The following CCDC191 variants were observed in gnomAD, a reference collection of about 807,000 sequenced individuals.
CCDC191 encodes the protein coiled-coil domain containing 191.
Under a neutral mutation model 114.0 loss-of-function variants are expected in CCDC191, and 99 were observed. That is an observed-to-expected ratio of 0.87 (90% CI 0.74 to 1.03). CCDC191 has a LOEUF of 1.03. Ranked by LOEUF, CCDC191 falls within the 50% of genes least tolerant of loss-of-function variation. The pLI is 0.00. For missense variants in CCDC191, 973 were observed against 1,087.0 expected (o/e 0.90, Z 1.47); for synonymous variants, 351 against 376.0 (o/e 0.93, Z 0.77).
chr3:114,024,156 T>C lies in CCDC191; in HGVS notation c.973-5288A>G, dbSNP rs182954188. Among the ~76,000 whole-genome samples, 360 of 152,270 alleles carry C rather than the reference T, an allele frequency of 2.4e-3. 7 individuals carry two copies. The highest frequency in any genetic ancestry group is 0.021 in the South Asian group (103 of 4,824). On this transcript the variant is annotated intron_variant, in intron 7 of 16. Coordinates refer to ENST00000295878, the MANE Select transcript of CCDC191 (RefSeq NM_020817.2). ...AAATCAATACCACAATGAAGTACCA[T>C]CTCACACCAGTTAGAATGGCGATTA...
intron 6 of CCDC191, among the ~76,000 whole-genome samples, chr3:114,033,732 C>T (rs1347691890): frequency 6.6e-6 from 1 of 152,216 alleles, no homozygotes; most frequent in African/African-American, 2.4e-5. Context: ...ATATGAAAAG[C>T]AAGGCTGACC....
intron 4 of CCDC191, among the ~76,000 whole-genome samples, chr3:114,038,870 T>G (rs2076522848): frequency 6.6e-6 from 1 of 151,998 alleles, no homozygotes; most frequent in African/African-American, 2.4e-5. Context: ...CAACACACAC[T>G]GAGGCCTGTC....
chr3:114,033,939 G>C (rs1332089137), intron 6 of CCDC191, among the ~76,000 whole-genome samples: 1 of 152,220 alleles, frequency 6.6e-6, no homozygotes, highest in Non-Finnish European at 1.5e-5. Flanking sequence ...TTATCTAATA[G>C]GTCTTTGTGG....
At chr3:114,038,410 T>C (rs2076516066) in intron 4 of CCDC191, among the ~76,000 whole-genome samples, 1 of 152,202 alleles carries the variant, frequency 6.6e-6, no homozygotes, top group African/African-American at 2.4e-5. Context: ...CAGAGCACAA[T>C]GCATTACTCA....
chr3:113,981,055 TTCTC>T (rs1481373680), intron 13 of CCDC191, among the ~76,000 whole-genome samples: 1 of 152,168 alleles, frequency 6.6e-6, no homozygotes, highest in Non-Finnish European at 1.5e-5. Flanking sequence ...CAGAAATAAT[TTCTC>T]TCTCACCAAG....
At chr3:114,039,365 C>T (rs1227244096) in intron 4 of CCDC191, 1 of 151,992 alleles carries the variant, frequency 6.6e-6, no homozygotes, top group Non-Finnish European at 1.5e-5. Context: ...AAAAAATTAG[C>T]TGGGTGTGGT....
intron 16 of CCDC191, among the ~76,000 whole-genome samples, chr3:113,971,103 A>AT (rs1940776649): frequency 1.3e-5 from 2 of 152,206 alleles, no homozygotes; most frequent in South Asian, 4.1e-4. Flanking sequence ...GGTGGGTCAA[A>AT]TGGTATTTCT....
chr3:114,054,655 A>AAAC (rs143153367), intron 1 of CCDC191, among the ~76,000 whole-genome samples: 2 of 151,926 alleles, frequency 1.3e-5, no homozygotes, highest in African/African-American at 2.4e-5. Flanking sequence ...ACAAACAAAC[A>AAAC]AACAACAACA....
chr3:114,055,867 G>A (rs1206815993), intron 1 of CCDC191, among the ~76,000 whole-genome samples: 2 of 152,158 alleles, frequency 1.3e-5, no homozygotes, highest in African/African-American at 4.8e-5. Context: ...AAATTACTAT[G>A]TGAATCAAGT....
chr3:114,043,081 A>C (rs1289629467), intron 3 of CCDC191, among the ~76,000 whole-genome samples: 3 of 152,226 alleles, frequency 2.0e-5, no homozygotes, highest in African/African-American at 7.2e-5. Flanking sequence ...AGGGACAGGA[A>C]GACATGGAAG....
intron 9 of CCDC191, among the ~76,000 whole-genome samples, chr3:114,007,480 T>TA (rs1343495363): frequency 6.6e-6 from 1 of 152,202 alleles, no homozygotes; most frequent in Non-Finnish European, 1.5e-5. Context: ...AGTGAACACT[T>TA]ATTCATGAGA....
chr3:114,005,278 T>C (rs2075931329), intron 10 of CCDC191, among the ~76,000 whole-genome samples: 1 of 152,182 alleles, frequency 6.6e-6, no homozygotes. Context: ...ACAGAGATCC[T>C]CAAAGGCAGC....
chr3:114,027,391 G>A (rs1230320333), intron 7 of CCDC191, among the ~76,000 whole-genome samples: 2 of 152,060 alleles, frequency 1.3e-5, no homozygotes, highest in East Asian at 1.9e-4. Flanking sequence ...CAAGGTGGGC[G>A]GATCACGAGG....
chr3:113,980,224 C>G lies in CCDC191; in HGVS notation c.2307+426G>C, dbSNP rs142238308. ...CAGAATGAGAGGCTTGGGGAGAGAC[C>G]TGAACTCAATCCACAACTGGCCCAC... On this transcript the variant is annotated intron_variant, in intron 14 of 16. Transcript: ENST00000295878. 9.7e-4 allele frequency among the ~76,000 whole-genome samples: 148 copies of G among 152,250 alleles called. 2 individuals are homozygous for G. The highest frequency in any genetic ancestry group is 3.4e-3 in the African/African-American group (141 of 41,546).
intron 3 of CCDC191, among the ~76,000 whole-genome samples, chr3:114,045,430 G>A (rs552856674): frequency 6.6e-6 from 1 of 152,170 alleles, no homozygotes; most frequent in African/African-American, 2.4e-5. Flanking sequence ...GGAGTGCAGT[G>A]GCAAGATCTT....
At chr3:113,986,711 A>G (rs1229167645) in intron 13 of CCDC191, among the ~76,000 whole-genome samples, 1 of 152,140 alleles carries the variant, frequency 6.6e-6, no homozygotes, top group African/African-American at 2.4e-5. Context: ...TGAAGGTTAA[A>G]TGGGGTCCTA....
At chr3:114,013,296 A>G (rs2076104215) in intron 8 of CCDC191, among the ~76,000 whole-genome samples, 1 of 152,112 alleles carries the variant, frequency 6.6e-6, no homozygotes, top group Non-Finnish European at 1.5e-5. Flanking sequence ...TAGTTACGAT[A>G]TCTGTATTTG....
chr3:113,981,409 ACTTAAT>A, intron 13 of CCDC191, among the ~76,000 whole-genome samples: 1 of 152,102 alleles, frequency 6.6e-6, no homozygotes, highest in Non-Finnish European at 1.5e-5. Context: ...GATGACAAAA[ACTTAAT>A]GATCGACCCT....
At chr3:114,000,160 C>T (rs1240036998) in intron 13 of CCDC191, among the ~76,000 whole-genome samples, 1 of 151,952 alleles carries the variant, frequency 6.6e-6, no homozygotes, top group Non-Finnish European at 1.5e-5. Context: ...GGATGTCTCT[C>T]GATAAGATTA....
Sources: allele counts gnomAD v4.1 joint callset (sites outside exome capture counted in the v4.1 genomes callset), GRCh38; gene constraint gnomAD v4.1.1; transcripts MANE v1.5; gene names NCBI Gene and HGNC (gene_info 2026-07-23, HGNC 2026-07-21).